Variants in MCMBP observed in about 807,000 individuals in gnomAD.
The protein encoded by MCMBP is minichromosome maintenance complex binding protein.
Under a neutral mutation model 81.3 loss-of-function variants are expected in MCMBP, and 31 were observed. The ratio of observed to expected loss-of-function variants is 0.38; its 90% CI spans 0.29 to 0.51. The LOEUF (loss-of-function observed/expected upper bound fraction) is 0.51, where lower values mean the gene tolerates loss of function less well. Ranked by LOEUF, MCMBP falls within the 20% of genes least tolerant of loss-of-function variation. MCMBP has a pLI of 0.87. For missense variants in MCMBP, 645 were observed against 772.1 expected (o/e 0.84, Z 1.95); for synonymous variants, 267 against 275.9 (o/e 0.97, Z 0.32).
chr10:119,843,003 T>G (rs536084861), intron 9 of MCMBP: 2 of 429,728 alleles, frequency 4.7e-6, no homozygotes, highest in Admixed American at 6.9e-5. Context: ...TCCACCCACC[T>G]TGGCCTCCTA....
At position 119,854,474 on chromosome 10, in the gene MCMBP, G is replaced by A. The variant is rs144259190; in HGVS notation, c.430-1280C>T. Among the ~76,000 whole-genome samples, 1,413 of 150,858 alleles carry A rather than the reference G, an allele frequency of 9.4e-3. 20 individuals carry two copies. Among genetic ancestry groups the A allele is most frequent in the East Asian group, 0.031 (160 of 5,120 alleles). Reference sequence around the variant, plus strand: ...TCCTAGTGCTTTGGGAGGCTGAGGCGGGTAGATCACTTGAGCTCAGGAGTT... The same window carrying A: ...TCCTAGTGCTTTGGGAGGCTGAGGCAGGTAGATCACTTGAGCTCAGGAGTT... On this transcript the variant is annotated intron_variant, in intron 5 of 15. Coordinates refer to ENST00000369077, the MANE Select transcript of MCMBP (RefSeq NM_001256378.2).
chr10:119,836,794 T>TTTTTTAA, intron 13 of MCMBP, 102 bp downstream of exon 13: 1 of 347,138 alleles, frequency 2.9e-6, no homozygotes, highest in Non-Finnish European at 4.9e-6. Flanking sequence ...TTTTTTTTTT[T>TTTTTTAA]ACAACAAATG....
At chr10:119,854,085 G>T (rs1197497125) in intron 5 of MCMBP, among the ~76,000 whole-genome samples, 1 of 149,656 alleles carries the variant, frequency 6.7e-6, no homozygotes, top group African/African-American at 2.5e-5. Context: ...CTGTTGCCTA[G>T]GTTGGAGTGC....
chr10:119,852,968 C>A, intron 6 of MCMBP, 82 bp downstream of exon 6: 1 of 1,515,518 alleles, frequency 6.6e-7, no homozygotes, highest in South Asian at 1.2e-5. Context: ...AAATATAGAG[C>A]TATATTATGT....
At chr10:119,835,335 C>A (rs1852201490) in intron 14 of MCMBP, among the ~76,000 whole-genome samples, 1 of 152,066 alleles carries the variant, frequency 6.6e-6, no homozygotes, top group Non-Finnish European at 1.5e-5. Context: ...AAGAAAATAA[C>A]TTTAAGAAAC....
In MCMBP at chr10:119,872,820, C is replaced by A. The variant is rs539314512; in HGVS notation, c.-236G>T. 35 of 166,980 alleles carry A rather than the reference C, an allele frequency of 2.1e-4. No homozygotes were observed. In the East Asian group the frequency reaches 5.6e-3, roughly 27 times the overall value. 10.3% of individuals were successfully genotyped at this position (166,980 alleles called of 1,614,324 possible). On this transcript the variant is annotated 5_prime_UTR_variant, in exon 1 of 16. Transcript: ENST00000369077. ...CGACAGTCAGGCGGGCGCGTACGGG[C>A]CCCTAGCCTTCACTTCGCACAATGG...
At chr10:119,862,784 T>A (rs1229914726) in intron 1 of MCMBP, among the ~76,000 whole-genome samples, 1 of 152,238 alleles carries the variant, frequency 6.6e-6, no homozygotes, top group Non-Finnish European at 1.5e-5. Flanking sequence ...ACCATTTTGC[T>A]AAGAGATCCA....
intron 7 of MCMBP, 23 bp downstream of exon 7, chr10:119,849,402 G>A (rs1200383593): frequency 1.3e-6 from 2 of 1,594,096 alleles, no homozygotes; most frequent in African/African-American, 2.7e-5. Flanking sequence ...TTTCAGTGTT[G>A]GATCTACGAA....
At chr10:119,859,622 A>G (rs560734014) in intron 2 of MCMBP, among the ~76,000 whole-genome samples, 177 bp downstream of exon 2, 1 of 152,290 alleles carries the variant, frequency 6.6e-6, no homozygotes, top group South Asian at 2.1e-4. Flanking sequence ...ATGTATAAGT[A>G]TTTACATGCT....
In MCMBP at chr10:119,853,142, G is replaced by C; in HGVS notation, c.482C>G (p.Pro161Arg). Residue 161 changes from proline (P) to arginine (R), a missense_variant, in exon 6 of 16, where the codon CCT becomes CGT. Coordinates refer to ENST00000369077, the MANE Select transcript of MCMBP (RefSeq NM_001256378.2). ...TTCATAACTCCTCTTGTGGCGACTAGGAGTGTAGGATGTTGAGGGACTGAC... is the reference window on the plus strand; with the variant it reads ...TTCATAACTCCTCTTGTGGCGACTACGAGTGTAGGATGTTGAGGGACTGAC... ...ARVSPSTSYTPSRHKRSYEDD... is the reference protein window; with the variant it reads ...ARVSPSTSYTRSRHKRSYEDD... The C allele has an allele frequency of 6.2e-7, 1 of 1,614,172 alleles. No individual in the cohort carries two copies. Among genetic ancestry groups the C allele is most frequent in the Non-Finnish European group, 8.5e-7 (1 of 1,180,026 alleles).
rs1316578935 is a variant in MCMBP at position 119,831,457 on chromosome 10, T to C, written c.*17A>G. The C allele has an allele frequency of 1.2e-6, 2 of 1,613,582 alleles. No homozygotes were observed. The highest frequency in any genetic ancestry group is 1.1e-5 in the South Asian group (1 of 91,038). The stretch of plus-strand genomic sequence containing the variant: ...GTGGCTACAGTTTGCCCATTACTCT[T>C]CATAGGTATTACATCTTTAAAGTTC... On this transcript the variant is annotated 3_prime_UTR_variant, in exon 16 of 16. Transcript: ENST00000369077.
intron 8 of MCMBP, among the ~76,000 whole-genome samples, chr10:119,845,071 A>C (rs1229032821): frequency 3.3e-5 from 5 of 152,206 alleles, no homozygotes; most frequent in Admixed American, 1.3e-4. Context: ...CTGACCCTTT[A>C]GAGACCCCTA....
intron 1 of MCMBP, among the ~76,000 whole-genome samples, chr10:119,864,196 C>T (rs1273622613): frequency 6.6e-6 from 1 of 152,246 alleles, no homozygotes; most frequent in African/African-American, 2.4e-5. Flanking sequence ...GGAACAGATT[C>T]TCTCCTAAAG....
Position 119,838,592 on chromosome 10 carries a change from T to C in MCMBP, c.1351A>G (p.Asn451Asp). Reference sequence around the variant, plus strand: ...GTCTCATCGATTACAAGGGAAGTATTGCTGGGCAGCTGGAGGAGCCCACTG... The same window carrying C: ...GTCTCATCGATTACAAGGGAAGTATCGCTGGGCAGCTGGAGGAGCCCACTG... Reference protein sequence around the residue: ...LVSGLLQLPSNTSLVIDETLL... With the variant: ...LVSGLLQLPSDTSLVIDETLL... Residue 451 changes from asparagine to aspartate, a missense_variant, in exon 12 of 16, where the codon AAT becomes GAT. Asn to Asp is a conservative substitution (Grantham distance 23). Coordinates refer to ENST00000369077, the MANE Select transcript of MCMBP (RefSeq NM_001256378.2). 6.2e-7 allele frequency: 1 copy of C among 1,614,184 alleles called. No homozygotes were observed. The highest frequency in any genetic ancestry group is 1.1e-5 in the South Asian group (1 of 91,086).
In MCMBP at chr10:119,844,442, C is replaced by T. The variant is rs149361913; in HGVS notation, c.828-1016G>A. Among the ~76,000 whole-genome samples, 11 of 152,302 alleles carry T rather than the reference C, an allele frequency of 7.2e-5. No individual in the cohort carries two copies. In the East Asian group the frequency reaches 7.7e-4, roughly 11 times the overall value. ...GACAGACAACGTTCAATGCCTTACA[C>T]GTACAAATTCACCAAAACCTCACAT... On this transcript the variant is annotated intron_variant, in intron 8 of 15. Transcript: ENST00000369077.
chr10:119,851,418 T>C (rs1852820512), intron 6 of MCMBP, among the ~76,000 whole-genome samples: 1 of 152,134 alleles, frequency 6.6e-6, no homozygotes, highest in Non-Finnish European at 1.5e-5. Flanking sequence ...CACTCGAATA[T>C]ATTACAATAT....
At chr10:119,848,335 G>T (rs2248081) in intron 7 of MCMBP, among the ~76,000 whole-genome samples, 74,735 of 151,918 alleles carry the variant, frequency 0.49, 18,645 homozygotes, top group East Asian at 0.62. Flanking sequence ...TGAGAATCTG[G>T]GTGCAGTGGC....
chr10:119,831,496 C>A lies in MCMBP; in HGVS notation c.1901G>T (p.Cys634Phe), dbSNP rs766848011. The A allele has an allele frequency of 1.9e-6, 3 of 1,613,984 alleles. No individual in the cohort carries two copies. The South Asian group carries it at 3.3e-5, about 18-fold the overall frequency. ...LRRTRLQQQK[C>F]VNGNEL ...TCTTTAAAGTTCATTTCCATTCACACATTTTTGCTGCTGAAGCCTCGTTCT... is the reference window on the plus strand; with the variant it reads ...TCTTTAAAGTTCATTTCCATTCACAAATTTTTGCTGCTGAAGCCTCGTTCT... Residue 634 changes from cysteine (C) to phenylalanine (F), a missense_variant, in exon 16 of 16, where the codon TGT becomes TTT. Physicochemically the swap from Cys to Phe is radical, Grantham distance 205 (BLOSUM62 -2). Coordinates refer to ENST00000369077, the MANE Select transcript of MCMBP (RefSeq NM_001256378.2).
At chr10:119,852,769 T>C (rs113609838) in intron 6 of MCMBP, among the ~76,000 whole-genome samples, 15 of 152,304 alleles carry the variant, frequency 9.8e-5, no homozygotes, top group African/African-American at 3.6e-4. Flanking sequence ...GTACCAGGCT[T>C]CTGTATTAAA....
Sources: gnomAD v4.1 joint callset for allele counts (sites outside exome capture counted in the v4.1 genomes callset) on GRCh38, gnomAD v4.1.1 for gene constraint, MANE v1.5 for transcripts, NCBI Gene and HGNC (gene_info 2026-07-23, HGNC 2026-07-21) for gene names.